Variants in PTPRD observed in about 807,000 individuals in gnomAD.
PTPRD encodes the protein protein tyrosine phosphatase receptor type D.
A neutral mutation model predicts 214.5 loss-of-function variants in PTPRD; 34 were observed. The ratio of observed to expected loss-of-function variants is 0.16; its 90% CI spans 0.12 to 0.21. The LOEUF (loss-of-function observed/expected upper bound fraction) is 0.21. Among genes scored for constraint, PTPRD ranks in the 10% least tolerant of loss-of-function variants. The pLI is 1.00. For synonymous variants in PTPRD, 1,128 were observed against 845.7 expected, an observed-to-expected ratio of 1.33 and a Z score of -5.79; for missense variants, 2,545 against 2,398.7, an observed-to-expected ratio of 1.06 and a Z score of -1.27.
chr9:10,015,371 G>C (rs906537165), intron 4 of PTPRD, among the ~76,000 whole-genome samples: 5 of 151,880 alleles, frequency 3.3e-5, no homozygotes, highest in African/African-American at 1.2e-4. Flanking sequence ...AGTAAGACAA[G>C]ATTATCCACA....
intron 3 of PTPRD, among the ~76,000 whole-genome samples, chr9:10,187,672 C>CT (rs776273587): frequency 5.3e-5 from 8 of 152,202 alleles, no homozygotes; most frequent in Non-Finnish European, 8.8e-5. Context: ...AAAATCTGCC[C>CT]TGGGGGGCGG....
chr9:8,513,521 T>C (rs1592449063), intron 21 of PTPRD, among the ~76,000 whole-genome samples: 1 of 152,192 alleles, frequency 6.6e-6, no homozygotes, highest in East Asian at 1.9e-4. Flanking sequence ...ACAGAAGACA[T>C]CAAAATGTAC....
At chr9:8,723,430 C>T (rs535227240) in intron 12 of PTPRD, among the ~76,000 whole-genome samples, 50 of 152,258 alleles carry the variant, frequency 3.3e-4, no homozygotes, top group African/African-American at 1.1e-3. Flanking sequence ...TCCAAAGTCA[C>T]GCCGTTCAGT....
intron 2 of PTPRD, among the ~76,000 whole-genome samples, chr9:10,458,218 G>A (rs2098932084): frequency 6.6e-6 from 1 of 151,974 alleles, no homozygotes; most frequent in Non-Finnish European, 1.5e-5. Flanking sequence ...ATCACCTTGA[G>A]ACCTAAGACA....
chr9:9,699,875 A>C (rs2097458105), intron 7 of PTPRD, among the ~76,000 whole-genome samples: 1 of 152,240 alleles, frequency 6.6e-6, no homozygotes, highest in Non-Finnish European at 1.5e-5. Flanking sequence ...TGCTCATTTA[A>C]TCTAGGGTTG....
At chr9:9,725,394 TC>T (rs1312797202) in intron 7 of PTPRD, among the ~76,000 whole-genome samples, 1 of 151,838 alleles carries the variant, frequency 6.6e-6, no homozygotes, top group Non-Finnish European at 1.5e-5. Flanking sequence ...TTGTAAGGCC[TC>T]CCCAGCTACG....
At chr9:9,246,998 C>CA (rs1555089123) in intron 9 of PTPRD, among the ~76,000 whole-genome samples, 1 of 90,162 alleles carries the variant, frequency 1.1e-5, no homozygotes, top group Non-Finnish European at 2.6e-5. Flanking sequence ...CTCATTTTCC[C>CA]CGAGTGACTC....
intron 5 of PTPRD, among the ~76,000 whole-genome samples, chr9:9,887,353 G>A (rs1168864057): frequency 6.6e-6 from 1 of 152,098 alleles, no homozygotes; most frequent in Non-Finnish European, 1.5e-5. Flanking sequence ...TCAAGAGAAA[G>A]AGCTATTCTC....
intron 4 of PTPRD, among the ~76,000 whole-genome samples, chr9:9,984,455 C>A (rs549723318): frequency 1.3e-5 from 2 of 152,128 alleles, no homozygotes; most frequent in African/African-American, 2.4e-5. Context: ...TATCGGTGTG[C>A]CAGACTGGAC....
At chr9:8,647,674 T>C (rs998664841) in intron 12 of PTPRD, among the ~76,000 whole-genome samples, 3 of 152,222 alleles carry the variant, frequency 2.0e-5, no homozygotes, top group Non-Finnish European at 2.9e-5. Flanking sequence ...CAAAAAAGTA[T>C]ATTTTTAAGG....
At chr9:9,825,144 G>A (rs1424423237) in intron 5 of PTPRD, among the ~76,000 whole-genome samples, 2 of 151,810 alleles carry the variant, frequency 1.3e-5, no homozygotes, top group Non-Finnish European at 2.9e-5. Context: ...TTTATATAAT[G>A]AGACAATTCC....
chr9:8,358,022 G>T (rs551148229), intron 39 of PTPRD, among the ~76,000 whole-genome samples: 1 of 152,116 alleles, frequency 6.6e-6, no homozygotes, highest in East Asian at 1.9e-4. Context: ...TATACATACA[G>T]ATCATTATAC....
chr9:8,784,753 C>T (rs2095868949), intron 11 of PTPRD, among the ~76,000 whole-genome samples: 1 of 152,094 alleles, frequency 6.6e-6, no homozygotes, highest in Non-Finnish European at 1.5e-5. Flanking sequence ...TTAACATCCC[C>T]CCTGTATCTT....
chr9:9,593,060 G>A (rs1245103688), intron 7 of PTPRD, among the ~76,000 whole-genome samples: 1 of 144,224 alleles, frequency 6.9e-6, no homozygotes, highest in Non-Finnish European at 1.5e-5. Flanking sequence ...GAAAGAGAAA[G>A]AGAGAAAGAA....
intron 39 of PTPRD, among the ~76,000 whole-genome samples, chr9:8,349,049 A>G (rs201597966): frequency 8.4e-5 from 1 of 11,906 alleles, no homozygotes; most frequent in Non-Finnish European, 3.4e-4. Context: ...AAAATTTATA[A>G]AAAAAAAAAA....
At chr9:8,821,392 C>G (rs993701774) in intron 11 of PTPRD, among the ~76,000 whole-genome samples, 1 of 152,120 alleles carries the variant, frequency 6.6e-6, no homozygotes, top group Non-Finnish European at 1.5e-5. Context: ...CATAGTCTAC[C>G]CCACGCATCA....
chr9:9,764,514 T>A (rs1002042370), intron 6 of PTPRD, among the ~76,000 whole-genome samples: 33 of 152,266 alleles, frequency 2.2e-4, no homozygotes, highest in African/African-American at 7.5e-4. Flanking sequence ...TACAAGTGTA[T>A]ATTAGAATCA....
chr9:10,506,209 A>G (rs1170317573), intron 2 of PTPRD, among the ~76,000 whole-genome samples: 1 of 152,118 alleles, frequency 6.6e-6, no homozygotes, highest in East Asian at 1.9e-4. Context: ...TTTTTTTATC[A>G]CTTTTAAAAA....
intron 3 of PTPRD, among the ~76,000 whole-genome samples, chr9:10,177,158 A>G (rs952427545): frequency 2.6e-5 from 4 of 151,968 alleles, no homozygotes; most frequent in African/African-American, 9.7e-5. Flanking sequence ...GAGGGGTAGT[A>G]TACTTGGTTT....
Sources: allele counts gnomAD v4.1 joint callset (sites outside exome capture counted in the v4.1 genomes callset), GRCh38; gene constraint gnomAD v4.1.1; transcripts MANE v1.5; gene names NCBI Gene and HGNC (gene_info 2026-07-23, HGNC 2026-07-21).